The following SUCLG2 variants were observed in gnomAD, a reference collection of about 807,000 sequenced individuals.
SUCLG2 encodes the protein succinate-CoA ligase GDP-forming subunit beta.
Under a neutral mutation model 47.9 loss-of-function variants are expected in SUCLG2, and 42 were observed. The observed-to-expected ratio is 0.88, with a 90% CI of 0.69 to 1.14. The LOEUF is 1.14. SUCLG2 is among the 50% of genes most tolerant of loss of function. The pLI is 0.00. For missense variants in SUCLG2, 571 were observed against 525.9 expected, an observed-to-expected ratio of 1.09 and a Z score of -0.84; for synonymous variants, 195 against 197.3, an observed-to-expected ratio of 0.99 and a Z score of 0.10.
At chr3:67,444,016 G>T (rs1703850141) in intron 9 of SUCLG2, among the ~76,000 whole-genome samples, 2 of 125,190 alleles carry the variant, frequency 1.6e-5, no homozygotes, top group Admixed American at 8.1e-5. Context: ...GAGGTGGGGG[G>T]GTCAGCCCCC....
At chr3:67,513,807 A>G (rs1705861601) in intron 6 of SUCLG2, 1 of 152,368 alleles carries the variant, frequency 6.6e-6, no homozygotes, top group Admixed American at 6.5e-5. Flanking sequence ...TTAAAAATTA[A>G]AATTCGTAAA....
chr3:67,450,662 C>A (rs1704035003), intron 9 of SUCLG2, among the ~76,000 whole-genome samples: 1 of 152,150 alleles, frequency 6.6e-6, no homozygotes, highest in Admixed American at 6.6e-5. Flanking sequence ...GAAATCAAGG[C>A]TATTTAATTT....
At chr3:67,417,665 A>T (rs1703066121) in intron 9 of SUCLG2, among the ~76,000 whole-genome samples, 1 of 152,194 alleles carries the variant, frequency 6.6e-6, no homozygotes, top group Non-Finnish European at 1.5e-5. Context: ...GTAAGAGTGA[A>T]GGCTGAATGA....
chr3:67,414,327 C>T (rs1702990010), intron 9 of SUCLG2, among the ~76,000 whole-genome samples: 1 of 152,208 alleles, frequency 6.6e-6, no homozygotes, highest in Non-Finnish European at 1.5e-5. Context: ...ATCCCAGTTT[C>T]ATGTTACAGT....
chr3:67,529,282 T>C (rs1706339006), intron 2 of SUCLG2, 96 bp from the exon 3 acceptor site: 1 of 884,936 alleles, frequency 1.1e-6, no homozygotes, highest in Admixed American at 2.6e-5. Context: ...AACTTCCAAG[T>C]AACTGGTAAA....
chr3:67,617,253 T>C (rs1421366095), intron 1 of SUCLG2, among the ~76,000 whole-genome samples: 1 of 152,178 alleles, frequency 6.6e-6, no homozygotes, highest in Non-Finnish European at 1.5e-5. Flanking sequence ...GGAATCCTGT[T>C]TGTGAGAGGA....
intron 9 of SUCLG2, among the ~76,000 whole-genome samples, chr3:67,485,128 C>G (rs1705017956): frequency 6.6e-6 from 1 of 152,166 alleles, no homozygotes; most frequent in Admixed American, 6.5e-5. Context: ...TTTAGCATCC[C>G]AGCAACTTAG....
chr3:67,498,535 C>G (rs920809041), intron 7 of SUCLG2, among the ~76,000 whole-genome samples: 1 of 152,114 alleles, frequency 6.6e-6, no homozygotes, highest in African/African-American at 2.4e-5. Context: ...GTTCTCATTT[C>G]AATAGAATAA....
At chr3:67,575,098 A>C (rs1309966637) in intron 2 of SUCLG2, among the ~76,000 whole-genome samples, 1 of 152,222 alleles carries the variant, frequency 6.6e-6, no homozygotes, top group Non-Finnish European at 1.5e-5. Context: ...TCATGCATTG[A>C]TAAGGGGACT....
chr3:67,646,014 C>T (rs1403354557), intron 1 of SUCLG2, among the ~76,000 whole-genome samples: 1 of 150,656 alleles, frequency 6.6e-6, no homozygotes, highest in African/African-American at 2.4e-5. Flanking sequence ...TAATGCTGAT[C>T]CCTACTTCTA....
intron 2 of SUCLG2, among the ~76,000 whole-genome samples, chr3:67,533,352 A>G (rs1424527982): frequency 6.6e-6 from 1 of 152,164 alleles, no homozygotes; most frequent in African/African-American, 2.4e-5. Flanking sequence ...ATGATCATCT[A>G]TTTGGAGTCA....
chr3:67,530,048 A>G (rs1258039384), intron 2 of SUCLG2, among the ~76,000 whole-genome samples: 1 of 152,170 alleles, frequency 6.6e-6, no homozygotes, highest in African/African-American at 2.4e-5. Context: ...ATAGCACACA[A>G]CTGCAGACCA....
At chr3:67,428,387 T>C (rs1345204031) in intron 9 of SUCLG2, among the ~76,000 whole-genome samples, 1 of 152,218 alleles carries the variant, frequency 6.6e-6, no homozygotes, top group Non-Finnish European at 1.5e-5. Context: ...GGGTCCTGAC[T>C]GTTAGAAGGA....
In SUCLG2 at chr3:67,426,387, T is replaced by C. The variant is rs184002062; in HGVS notation, c.1063-25536A>G. Among the ~76,000 whole-genome samples the C allele has an allele frequency of 1.8e-3, 279 of 152,310 alleles. 3 individuals are homozygous for C. The highest frequency in any genetic ancestry group is 0.016 in the Admixed American group (246 of 15,304). The stretch of plus-strand genomic sequence containing the variant: ...TTACCCAAAATGCTAATAATGGCTC[T>C]GCACAAACAATTAAAACTCTTCATT... On this transcript the variant is annotated intron_variant, in intron 9 of 10. Coordinates refer to ENST00000307227, the MANE Select transcript of SUCLG2 (RefSeq NM_003848.4).
intron 10 of SUCLG2, among the ~76,000 whole-genome samples, chr3:67,379,238 A>G (rs4856857): frequency 0.92 from 140,537 of 152,222 alleles, 65,034 homozygotes; most frequent in East Asian, 1. Flanking sequence ...GAGCCACCGT[A>G]CCCCATGTGT....
chr3:67,368,372 T>A (rs375361179), intron 10 of SUCLG2, among the ~76,000 whole-genome samples: 12 of 152,328 alleles, frequency 7.9e-5, no homozygotes, highest in African/African-American at 2.6e-4. Context: ...AATTTCACAT[T>A]CATTTCAATA....
At chr3:67,501,502 C>CA (rs1194875750) in intron 7 of SUCLG2, among the ~76,000 whole-genome samples, 2 of 152,080 alleles carry the variant, frequency 1.3e-5, no homozygotes, top group Non-Finnish European at 2.9e-5. Context: ...TGTGTTCTAA[C>CA]ATTTGGCCTT....
intron 9 of SUCLG2, among the ~76,000 whole-genome samples, chr3:67,479,300 A>C (rs1030435431): frequency 1.3e-5 from 2 of 152,106 alleles, no homozygotes; most frequent in African/African-American, 2.4e-5. Flanking sequence ...TAAAAAAAAA[A>C]AACAACAAAA....
At chr3:67,501,298 A>G (rs1705489940) in intron 7 of SUCLG2, among the ~76,000 whole-genome samples, 1 of 152,206 alleles carries the variant, frequency 6.6e-6, no homozygotes, top group Admixed American at 6.5e-5. Flanking sequence ...TTAGTGGGTA[A>G]GGGAAGAAAA....
Sources: allele counts gnomAD v4.1 joint callset (sites outside exome capture counted in the v4.1 genomes callset), GRCh38; gene constraint gnomAD v4.1.1; transcripts MANE v1.5; gene names NCBI Gene and HGNC (gene_info 2026-07-23, HGNC 2026-07-21).